PFKFB3: variants seen among roughly 807,000 people sequenced by gnomAD.
PFKFB3 encodes 6-phosphofructo-2-kinase/fructose-2,6-biphosphatase 3.
PFKFB3 carries 33 observed loss-of-function variants against 68.0 expected under a neutral mutation model. The ratio of observed to expected loss-of-function variants is 0.49; its 90% CI spans 0.37 to 0.65. The LOEUF is 0.65. PFKFB3 is among the 30% of genes least tolerant of loss of function. The pLI is 0.00. For missense variants in PFKFB3, 586 were observed against 712.2 expected (o/e 0.82, Z 2.02); for synonymous variants, 315 against 288.2 (o/e 1.09, Z -0.94).
In PFKFB3 at chr10:6,229,641, C is replaced by T. The variant is rs1449792683; in HGVS notation, c.1516-3254C>T. On this transcript the variant is annotated intron_variant, in intron 14 of 14. Transcript: ENST00000379775. This position sits in a 1 kb window ranked among gnomAD's most constrained non-coding sequence, Gnocchi z 4.3. ...GGCCAGTGTCTGTGATGCGCGGGGC[C>T]AGCGTGCAGTGCTTCAGGATCTGGG... is the stretch of plus-strand genomic sequence containing the variant. Among the ~76,000 whole-genome samples, 1 of 152,178 alleles carries T rather than the reference C, an allele frequency of 6.6e-6. No individual in the cohort carries two copies. The highest frequency in any genetic ancestry group is 6.5e-5 in the Admixed American group (1 of 15,274).
intron 1 of PFKFB3, among the ~76,000 whole-genome samples, chr10:6,179,020 T>C (rs1233677620): frequency 6.6e-6 from 1 of 152,204 alleles, no homozygotes; most frequent in Non-Finnish European, 1.5e-5. Context: ...ATCTCCCTGG[T>C]GGAGTCGTTC....
At chr10:6,299,968 C>CTTTTTTTT in the PFKFB3 span, among the ~76,000 whole-genome samples, 1 of 48,586 alleles carries the variant, frequency 2.1e-5, no homozygotes, top group African/African-American at 8.9e-5. Context: ...GTTCAGAAGA[C>CTTTTTTTT]TTTTTTTTTT....
At chr10:6,268,544 G>A in the PFKFB3 span, among the ~76,000 whole-genome samples, 2 of 152,064 alleles carry the variant, frequency 1.3e-5, no homozygotes, top group Admixed American at 6.6e-5. Flanking sequence ...AGAATCACTC[G>A]AACGCAGGAG....
At chr10:6,225,715 G>A (rs747102991) in intron 13 of PFKFB3, among the ~76,000 whole-genome samples, 2 of 150,494 alleles carry the variant, frequency 1.3e-5, no homozygotes, top group African/African-American at 2.4e-5. Flanking sequence ...AAGCCAGGGT[G>A]CCCTTTGTGT....
chr10:6,223,893 A>G, intron 11 of PFKFB3, 65 bp from the exon 12 acceptor site: 8 of 1,425,970 alleles, frequency 5.6e-6, no homozygotes, highest in Middle Eastern at 1.7e-4. Flanking sequence ...CTGGGATTAC[A>G]GGCGTGAGCC....
chr10:6,263,529 C>T, the PFKFB3 span, among the ~76,000 whole-genome samples: 8 of 152,222 alleles, frequency 5.3e-5, no homozygotes, highest in Non-Finnish European at 8.8e-5. Flanking sequence ...ATCTCTACTT[C>T]GCTCCTCCTG....
intron 1 of PFKFB3, among the ~76,000 whole-genome samples, chr10:6,182,597 C>T (rs1842748183): frequency 6.6e-6 from 1 of 152,212 alleles, no homozygotes; most frequent in Non-Finnish European, 1.5e-5. Flanking sequence ...AGCAGTAGGT[C>T]CCGAGCGGGA....
At position 6,233,036 on chromosome 10, in the gene PFKFB3, C is replaced by G; in HGVS notation, c.*94C>G. 2.0e-6 allele frequency: 2 copies of G among 984,534 alleles called. No homozygotes were observed. The highest frequency in any genetic ancestry group is 2.6e-5 in the South Asian group (2 of 77,464). 61.0% of individuals were successfully genotyped at this position (984,534 alleles called of 1,614,324 possible). A position where few individuals can be genotyped will look rare whatever the true frequency, so the allele number is the denominator to read the frequency against. The stretch of plus-strand genomic sequence containing the variant: ...GCAAAACGTATCCTGAGGACTTCTT[C>G]CGGAGAGGGTGGGGTGGAGCAGCGG... On this transcript the variant is annotated 3_prime_UTR_variant, in exon 15 of 15. Coordinates refer to ENST00000379775, the MANE Select transcript of PFKFB3 (RefSeq NM_004566.4).
intron 1 of PFKFB3, among the ~76,000 whole-genome samples, chr10:6,165,525 G>A (rs1468335776): frequency 6.6e-6 from 1 of 152,182 alleles, no homozygotes; most frequent in African/African-American, 2.4e-5. Flanking sequence ...TTCCCAGGTG[G>A]AGAATTTCAG....
At position 6,210,356 on chromosome 10, in the gene PFKFB3, G is replaced by GTTTTTTTTTTTTTTTTTTTT. The variant is rs762723368; in HGVS notation, c.77-3260_77-3259insTTTTTTTTTTTTTTTTTTTT. Among the ~76,000 whole-genome samples, 3 of 44,486 alleles carry GTTTTTTTTTTTTTTTTTTTT rather than the reference G, an allele frequency of 6.7e-5. 1 individual carries two copies. Among genetic ancestry groups the GTTTTTTTTTTTTTTTTTTTT allele is most frequent in the African/African-American group, 1.4e-4 (3 of 21,518 alleles). The allele number at this position is 44,486 out of a possible 152,430, so 29.2% of individuals were successfully genotyped here. On this transcript the variant is annotated intron_variant, in intron 1 of 14. Coordinates refer to ENST00000379775, the MANE Select transcript of PFKFB3 (RefSeq NM_004566.4). Reference sequence around the variant, plus strand: ...TCTTTGTTTTTTTTTGTTTTTTTTTGTTTTTTTGTTTTTTTTTTTTTTGAG... The same window carrying GTTTTTTTTTTTTTTTTTTTT: ...TCTTTGTTTTTTTTTGTTTTTTTTTGTTTTTTTTTTTTTTTTTTTTTTTTTTTGTTTTTTTTTTTTTTGAG...
chr10:6,289,024 G>A, the PFKFB3 span, among the ~76,000 whole-genome samples: 8 of 151,252 alleles, frequency 5.3e-5, no homozygotes, highest in Admixed American at 1.3e-4. Flanking sequence ...GTCTGTTCAT[G>A]TCCTTCACCC....
downstream of PFKFB3, among the ~76,000 whole-genome samples, chr10:6,238,776 G>T (rs559489515): frequency 1.3e-5 from 2 of 152,186 alleles, no homozygotes; most frequent in African/African-American, 2.4e-5. Flanking sequence ...GTGTCCATGT[G>T]TTCTCATTAT....
chr10:6,206,163 A>G, intron 1 of PFKFB3, among the ~76,000 whole-genome samples: 1 of 146,046 alleles, frequency 6.8e-6, no homozygotes, highest in Non-Finnish European at 1.5e-5. Context: ...CTCAACGAGC[A>G]TGCTGCCTTC....
intron 14 of PFKFB3, among the ~76,000 whole-genome samples, chr10:6,226,648 C>T (rs1335077324): frequency 2.0e-5 from 3 of 152,134 alleles, no homozygotes; most frequent in Non-Finnish European, 4.4e-5. Context: ...AGGATGGGGT[C>T]TTTACAGGGC....
chr10:6,203,390 C>T (rs1588465361), intron 1 of PFKFB3, 54 bp downstream of exon 1: 5 of 1,443,100 alleles, frequency 3.5e-6, no homozygotes, highest in African/African-American at 2.9e-5. Context: ...CGGGCCGGGC[C>T]ATTGTGTGGG....
chr10:6,225,908 ATT>A (rs1235993131), intron 13 of PFKFB3, among the ~76,000 whole-genome samples: 2 of 152,040 alleles, frequency 1.3e-5, no homozygotes, highest in Non-Finnish European at 2.9e-5. Flanking sequence ...TGTGATCATC[ATT>A]CTTTCCCTCC....
chr10:6,189,580 T>C (rs577402611), intron 1 of PFKFB3, among the ~76,000 whole-genome samples: 1 of 151,086 alleles, frequency 6.6e-6, no homozygotes, highest in African/African-American at 2.4e-5. Flanking sequence ...AGTGGCGCGA[T>C]CTCTGCTCAC....
At chr10:6,145,823 A>G (rs990579623) in intron 1 of PFKFB3, among the ~76,000 whole-genome samples, 1 of 144,882 alleles carries the variant, frequency 6.9e-6, no homozygotes, top group Non-Finnish European at 1.5e-5. Context: ...CGTGCCAGAA[A>G]GGCCCGGCTA....
At chr10:6,223,379 T>G (rs953083635) in intron 11 of PFKFB3, among the ~76,000 whole-genome samples, 1 of 152,240 alleles carries the variant, frequency 6.6e-6, no homozygotes, top group Non-Finnish European at 1.5e-5. Context: ...TCCAGTCCAG[T>G]GCAGCTGAAT....
Sources: gnomAD v4.1 joint callset for allele counts (sites outside exome capture counted in the v4.1 genomes callset) on GRCh38, gnomAD v4.1.1 for gene constraint, Gnocchi (gnomAD v3.1) non-coding constraint, MANE v1.5 for transcripts, NCBI Gene and HGNC (gene_info 2026-07-23, HGNC 2026-07-21) for gene names.